HERC4: variants seen among roughly 807,000 people sequenced by gnomAD.
HERC4 encodes the protein HECT and RLD domain containing E3 ubiquitin protein ligase 4.
Under a neutral mutation model 124.3 loss-of-function variants are expected in HERC4, and 28 were observed. That is an observed-to-expected ratio of 0.23 (90% CI 0.17 to 0.31). The LOEUF (loss-of-function observed/expected upper bound fraction) is 0.31. HERC4 is among the 10% of genes least tolerant of loss of function. The pLI is 1.00. For missense variants in HERC4, 713 were observed against 1,229.3 expected, an observed-to-expected ratio of 0.58 and a Z score of 6.28; for synonymous variants, 407 against 421.5, an observed-to-expected ratio of 0.97 and a Z score of 0.42.
At chr10:67,927,648 A>T (rs2031281695) in intron 23 of HERC4, among the ~76,000 whole-genome samples, 1 of 151,346 alleles carries the variant, frequency 6.6e-6, no homozygotes, top group Admixed American at 6.6e-5. Flanking sequence ...GATGGTCTTG[A>T]TCTTCTGACC....
chr10:68,059,953 T>C (rs538855323), intron 3 of HERC4, among the ~76,000 whole-genome samples: 28 of 130,482 alleles, frequency 2.1e-4, no homozygotes, highest in African/African-American at 7.9e-4. Flanking sequence ...TATTATATTA[T>C]ATTTTGTTTC....
At chr10:68,011,008 G>A (rs1267747562) in intron 9 of HERC4, 3 of 696,678 alleles carry the variant, frequency 4.3e-6, no homozygotes, top group Non-Finnish European at 7.2e-6. Flanking sequence ...GAGCCCCTCA[G>A]TCATCCATGA....
At chr10:67,941,708 T>C (rs1257190694) in intron 19 of HERC4, among the ~76,000 whole-genome samples, 1 of 130,806 alleles carries the variant, frequency 7.6e-6, no homozygotes, top group Non-Finnish European at 1.6e-5. Context: ...AGATAAAGTC[T>C]CCCTCTGTCA....
At position 67,966,757 on chromosome 10, in the gene HERC4, T is replaced by C. The variant is rs893792284; in HGVS notation, c.1852A>G (p.Ile618Val). 20 of 1,586,150 alleles carry C rather than the reference T, an allele frequency of 1.3e-5. No individual in the cohort carries two copies. The highest frequency in any genetic ancestry group is 1.6e-5 in the Non-Finnish European group (18 of 1,160,126). Residue 618 changes from isoleucine (I) to valine (V), a missense_variant, in exon 16 of 25, where the codon ATA becomes GTA. Transcript: ENST00000373700. ...GQIIQYDKFY[I>V]HEVQELIDIR... ...TCTATCAATTCTTGTACTTCATGTA[T>C]ATAAAATTTATCATACTGTATAATC...
At chr10:68,004,971 A>C (rs905624733) in intron 9 of HERC4, among the ~76,000 whole-genome samples, 1 of 152,224 alleles carries the variant, frequency 6.6e-6, no homozygotes, top group South Asian at 2.1e-4. Context: ...GTCTAGTTTC[A>C]TTCTTCTGCA....
chr10:67,996,942 C>A (rs1199618409), intron 9 of HERC4, among the ~76,000 whole-genome samples: 1 of 151,766 alleles, frequency 6.6e-6, no homozygotes, highest in South Asian at 2.1e-4. Context: ...GAGCTGAGAC[C>A]GCTCCACTAC....
chr10:67,928,645 A>G (rs929534793), intron 23 of HERC4, among the ~76,000 whole-genome samples: 1 of 152,136 alleles, frequency 6.6e-6, no homozygotes, highest in African/African-American at 2.4e-5. Context: ...GCCTCGGGCC[A>G]GGAGCGGTGG....
chr10:67,998,653 T>A (rs1232281473), intron 9 of HERC4, among the ~76,000 whole-genome samples: 2 of 152,158 alleles, frequency 1.3e-5, no homozygotes, highest in Non-Finnish European at 2.9e-5. Flanking sequence ...TTCTCACTTA[T>A]GCCAGTGGTT....
chr10:67,962,546 A>T (rs1409775387), intron 16 of HERC4, among the ~76,000 whole-genome samples: 3 of 152,096 alleles, frequency 2.0e-5, no homozygotes, highest in African/African-American at 7.2e-5. Flanking sequence ...GGACGTGAAA[A>T]ACTTCAGAAA....
At chr10:68,025,812 C>G (rs2038868962) in intron 7 of HERC4, 136 bp from the exon 8 acceptor site, 2 of 718,548 alleles carry the variant, frequency 2.8e-6, no homozygotes, top group East Asian at 5.9e-5. Flanking sequence ...ATTTAACAGA[C>G]AGATGGCTCT....
intron 21 of HERC4, among the ~76,000 whole-genome samples, chr10:67,938,716 C>T (rs553896158): frequency 1.3e-5 from 2 of 152,046 alleles, no homozygotes; most frequent in East Asian, 1.9e-4. Context: ...GAGGCCGAGG[C>T]GGGTGGATCA....
intron 13 of HERC4, 152 bp from the exon 14 acceptor site, chr10:67,990,552 A>G (rs750949361): frequency 9.7e-6 from 5 of 513,098 alleles, no homozygotes; most frequent in Non-Finnish European, 1.7e-5. Context: ...AAGAAAGACA[A>G]TGTCTTACAA....
In HERC4 at chr10:68,073,177, T is replaced by G; in HGVS notation, c.-69A>C. On this transcript the variant is annotated 5_prime_UTR_variant, in exon 3 of 25. Coordinates refer to ENST00000373700, the MANE Select transcript of HERC4 (RefSeq NM_015601.4). ...TTCTGAAACCCCGGAAAGTTGGAGG[T>G]ACCCTATGTCTGAGGAAATAGAAAG... 8.2e-7 allele frequency: 1 copy of G among 1,222,088 alleles called. No homozygotes were observed. Among genetic ancestry groups the G allele is most frequent in the Non-Finnish European group, 1.2e-6 (1 of 848,298 alleles). 75.7% of individuals were successfully genotyped at this position (1,222,088 alleles called of 1,614,324 possible). A position where few individuals can be genotyped will look rare whatever the true frequency, so the allele number is the denominator to read the frequency against.
intron 3 of HERC4, among the ~76,000 whole-genome samples, chr10:68,056,339 T>C (rs182692821): frequency 2.0e-5 from 3 of 152,268 alleles, no homozygotes; most frequent in South Asian, 2.1e-4. Flanking sequence ...ATAAAATACA[T>C]TGATCATGTG....
intron 16 of HERC4, among the ~76,000 whole-genome samples, chr10:67,962,955 T>C (rs1179601393): frequency 3.9e-5 from 6 of 152,300 alleles, no homozygotes; most frequent in Non-Finnish European, 7.4e-5. Context: ...ACAGGGATCA[T>C]ATAAATTAAT....
intron 7 of HERC4, among the ~76,000 whole-genome samples, chr10:68,029,102 A>G (rs1040347279): frequency 6.6e-6 from 1 of 152,090 alleles, no homozygotes; most frequent in African/African-American, 2.4e-5. Flanking sequence ...TAAGCCCAAG[A>G]ATTCGGTCAT....
intron 8 of HERC4, among the ~76,000 whole-genome samples, chr10:68,022,649 T>C (rs951691123): frequency 8.6e-5 from 13 of 152,010 alleles, no homozygotes; most frequent in African/African-American, 2.9e-4. Flanking sequence ...ATTTCTTAGA[T>C]ATGACACCAA....
At chr10:68,070,493 C>T (rs148073945) in intron 3 of HERC4, 15,653 of 166,704 alleles carry the variant, frequency 0.094, 1,004 homozygotes, top group Middle Eastern at 0.16. Context: ...GTAATCCCAG[C>T]TATTCGGGAG....
At chr10:68,069,544 G>C in intron 3 of HERC4, 1 of 985,356 alleles carries the variant, frequency 1.0e-6, no homozygotes, top group Middle Eastern at 5.2e-4. Context: ...ATAGGCCACA[G>C]GTTAAATCTA....
Sources: gnomAD v4.1 joint callset for allele counts (sites outside exome capture counted in the v4.1 genomes callset) on GRCh38, gnomAD v4.1.1 for gene constraint, MANE v1.5 for transcripts, NCBI Gene and HGNC (gene_info 2026-07-23, HGNC 2026-07-21) for gene names.